P3H2: variants seen among roughly 807,000 people sequenced by gnomAD.
P3H2 encodes the protein leprecan-like 1.
A neutral mutation model predicts 87.0 loss-of-function variants in P3H2; 80 were observed. The ratio of observed to expected loss-of-function variants is 0.92; its 90% CI spans 0.77 to 1.11. The LOEUF (loss-of-function observed/expected upper bound fraction) is 1.11, where lower values mean the gene tolerates loss of function less well. Ranked by LOEUF, P3H2 falls within the 50% of genes least tolerant of loss-of-function variation. The pLI, the probability that P3H2 is intolerant of heterozygous loss-of-function variation, is 0.00. For missense variants in P3H2, 1,001 were observed against 923.9 expected (o/e 1.08, Z -1.08); for synonymous variants, 367 against 359.3 (o/e 1.02, Z -0.24).
chr3:190,093,847 GA>G (rs1727489834), intron 1 of P3H2, among the ~76,000 whole-genome samples: 1 of 152,132 alleles, frequency 6.6e-6, no homozygotes, highest in Non-Finnish European at 1.5e-5. Flanking sequence ...AATCATTAAT[GA>G]AAATTTCATT....
chr3:190,053,561 G>A (rs7355897), intron 1 of P3H2, among the ~76,000 whole-genome samples: 4,043 of 151,226 alleles, frequency 0.027, 197 homozygotes, highest in African/African-American at 0.094. Context: ...GGGTTCAAGC[G>A]ATTCTCCTGC....
chr3:189,979,737 G>A (rs1486929837), intron 8 of P3H2, among the ~76,000 whole-genome samples: 1 of 151,880 alleles, frequency 6.6e-6, no homozygotes, highest in Non-Finnish European at 1.5e-5. Context: ...CAAGGCGGGT[G>A]GATCAACTGA....
In P3H2 at chr3:190,120,532, A is replaced by G. The variant is rs902467937; in HGVS notation, c.200T>C (p.Leu67Ser). The G allele has an allele frequency of 3.4e-5, 51 of 1,494,570 alleles. 1 individual carries two copies. Among genetic ancestry groups the G allele is most frequent in the Non-Finnish European group, 4.2e-5 (47 of 1,130,166 alleles). The allele number at this position is 1,494,570 out of a possible 1,614,324, so 92.6% of individuals were successfully genotyped here. A position where few individuals can be genotyped will look rare whatever the true frequency, so the allele number is the denominator to read the frequency against. ...SGDYERAVRD[L>S]EAALRSHRRL... is the part of the protein sequence containing the mutation. ...CCGGTGGCTGCGCAGCGCCGCTTCC[A>G]AGTCGCGCACCGCTCGCTCGTAGTC... The change falls in exon 1 of 15, where the codon TTG becomes TCG. Residue 67 changes from leucine to serine, a missense_variant. Coordinates refer to ENST00000319332, the MANE Select transcript of P3H2 (RefSeq NM_018192.4).
chr3:189,969,597 CAT>C (rs1271111191), intron 13 of P3H2: 24 of 1,226,004 alleles, frequency 2.0e-5, no homozygotes, highest in Non-Finnish European at 2.9e-5. Flanking sequence ...GTCCCTATGA[CAT>C]GTGTACAGCC....
In P3H2 at chr3:189,957,594, AG is replaced by A; in HGVS notation, c.*317del. On this transcript the variant is annotated 3_prime_UTR_variant, in exon 15 of 15. Coordinates refer to ENST00000319332, the MANE Select transcript of P3H2 (RefSeq NM_018192.4). ...GGTCCCAGCTCCCCGGGAGGCTTGA[AG>A]GATCGCCTGAGCCTAAGAGTTTGAG... 1 of 422,370 alleles carries A rather than the reference AG, an allele frequency of 2.4e-6. No individual in the cohort carries two copies. Among genetic ancestry groups the A allele is most frequent in the Admixed American group, 4.1e-5 (1 of 24,674 alleles). The allele number at this position is 422,370 out of a possible 1,614,324, so 26.2% of individuals were successfully genotyped here.
intron 1 of P3H2, among the ~76,000 whole-genome samples, chr3:190,035,524 A>G (rs529350864): frequency 6.6e-6 from 1 of 152,332 alleles, no homozygotes; most frequent in East Asian, 1.9e-4. Context: ...AAACCCTTGA[A>G]TAAATTTCTC....
chr3:190,066,496 G>C (rs971674117), intron 1 of P3H2, among the ~76,000 whole-genome samples: 3 of 151,972 alleles, frequency 2.0e-5, no homozygotes, highest in Non-Finnish European at 2.9e-5. Flanking sequence ...GGTAAGGATG[G>C]GAAGTAGGTA....
At chr3:190,112,090 C>T (rs838689) in intron 1 of P3H2, among the ~76,000 whole-genome samples, 46,280 of 151,998 alleles carry the variant, frequency 0.3, 7,339 homozygotes, top group African/African-American at 0.39. Context: ...ATTTGAAATC[C>T]TCTATATTAG....
At chr3:190,015,931 GTGTGCA>G (rs1406259541) in intron 1 of P3H2, among the ~76,000 whole-genome samples, 2 of 152,266 alleles carry the variant, frequency 1.3e-5, no homozygotes, top group East Asian at 1.9e-4. Context: ...GTGCATGTGT[GTGTGCA>G]TGTGCATGTG....
chr3:190,032,279 G>C (rs1725278770), intron 1 of P3H2, among the ~76,000 whole-genome samples: 2 of 152,134 alleles, frequency 1.3e-5, no homozygotes, highest in South Asian at 4.1e-4. Flanking sequence ...ATTTCTGTAG[G>C]TGTGTTGTCA....
At chr3:189,979,835 GCATGCACCTGTAGTCC>G (rs1370007194) in intron 8 of P3H2, among the ~76,000 whole-genome samples, 2 of 151,728 alleles carry the variant, frequency 1.3e-5, no homozygotes, top group African/African-American at 4.8e-5. Context: ...TGGCATGGTG[GCATGCACCTGTAGTCC>G]CAGCTACTCG....
intron 1 of P3H2, among the ~76,000 whole-genome samples, chr3:190,062,896 A>G (rs1288059991): frequency 6.6e-6 from 1 of 152,186 alleles, no homozygotes; most frequent in Non-Finnish European, 1.5e-5. Flanking sequence ...GAATACCAGA[A>G]TGGGATAACA....
chr3:190,014,186 G>A (rs1724680974), intron 1 of P3H2, among the ~76,000 whole-genome samples: 1 of 152,192 alleles, frequency 6.6e-6, no homozygotes, highest in South Asian at 2.1e-4. Flanking sequence ...CTCAGCCCAG[G>A]CTTGTTGAAC....
chr3:190,012,974 T>C (rs772458671), intron 1 of P3H2, among the ~76,000 whole-genome samples: 1 of 152,130 alleles, frequency 6.6e-6, no homozygotes, highest in African/African-American at 2.4e-5. Flanking sequence ...ATCGTTGTAT[T>C]CCCAGTGACT....
At chr3:190,022,874 C>A in intron 1 of P3H2, among the ~76,000 whole-genome samples, 1 of 151,864 alleles carries the variant, frequency 6.6e-6, no homozygotes, top group East Asian at 1.9e-4. Flanking sequence ...TTGCCCAGGC[C>A]CGAGTGCAGT....
intron 1 of P3H2, among the ~76,000 whole-genome samples, chr3:190,082,317 C>G (rs575752502): frequency 6.6e-6 from 1 of 152,220 alleles, no homozygotes; most frequent in Admixed American, 6.5e-5. Flanking sequence ...TGAGGCGAAC[C>G]TGGATGCAAG....
intron 4 of P3H2, 126 bp from the exon 5 acceptor site, chr3:189,987,795 G>T: frequency 1.9e-6 from 2 of 1,052,690 alleles, no homozygotes; most frequent in Non-Finnish European, 2.9e-6. Context: ...ATAAATTGAG[G>T]CTCAGCAGAG....
At chr3:189,986,982 C>CT in intron 5 of P3H2, 105 bp from the exon 6 acceptor site, 1 of 782,868 alleles carries the variant, frequency 1.3e-6, no homozygotes, top group Non-Finnish European at 2.3e-6. Flanking sequence ...CACAAATGAG[C>CT]TAACAAATAT....
chr3:189,973,507 CTTTCTTTTTTTTTTTTTTTT>C (rs1249705745), intron 10 of P3H2, among the ~76,000 whole-genome samples: 5 of 78,990 alleles, frequency 6.3e-5, no homozygotes, highest in Non-Finnish European at 1.2e-4. Flanking sequence ...TTCTTTCTTT[CTTTCTTTTTTTTTTTTTTTT>C]TTTTTTTTTT....
Sources: allele counts gnomAD v4.1 joint callset (sites outside exome capture counted in the v4.1 genomes callset), GRCh38; gene constraint gnomAD v4.1.1; transcripts MANE v1.5; gene names NCBI Gene and HGNC (gene_info 2026-07-23, HGNC 2026-07-21).